DGKA: variants seen among roughly 807,000 people sequenced by gnomAD.
The protein encoded by DGKA is 80 kDa diacylglycerol kinase.
DGKA carries 35 observed loss-of-function variants against 105.0 expected under a neutral mutation model. That is an observed-to-expected ratio of 0.33 (90% confidence interval 0.25 to 0.44). DGKA has a LOEUF of 0.44. DGKA is among the 20% of genes least tolerant of loss of function. The pLI is 1.00. For missense variants in DGKA, 665 were observed against 915.0 expected (o/e 0.73, Z 3.53); for synonymous variants, 296 against 332.0 (o/e 0.89, Z 1.18).
At chr12:55,933,219 C>T (rs971311490) in intron 1 of DGKA, among the ~76,000 whole-genome samples, 1 of 152,202 alleles carries the variant, frequency 6.6e-6, no homozygotes, top group South Asian at 2.1e-4. Flanking sequence ...GAGTAATTCT[C>T]TCTCTATGCC....
At chr12:55,950,611 T>A (rs2136403299) in intron 17 of DGKA, among the ~76,000 whole-genome samples, 1 of 152,200 alleles carries the variant, frequency 6.6e-6, no homozygotes, top group East Asian at 1.9e-4. Flanking sequence ...CTGGCCAATT[T>A]TTATATTTGT....
chr12:55,951,716 A>C lies in DGKA; in HGVS notation c.1520A>C (p.Gln507Pro). ...CGATGGTCTGTGGAGGTGATACCTC[A>C]ACAAACTGAAGAAAAAAGTGACCCA... ...MDRWSVEVIP[Q>P]QTEEKSDPVP... Residue 507 changes from glutamine to proline, a missense_variant, in exon 18 of 24, where the codon CAA (glutamine) becomes CCA (proline). Physicochemically the swap from Gln to Pro is moderately conservative, Grantham distance 76. This residue lies in a region of DGKA where 504 missense variants were observed against 681.2 expected (regional missense o/e 0.74). Transcript: ENST00000331886. 6.2e-7 allele frequency: 1 copy of C among 1,614,042 alleles called. No homozygotes were observed. Among genetic ancestry groups the C allele is most frequent in the Non-Finnish European group, 8.5e-7 (1 of 1,179,978 alleles).
At chr12:55,945,019 C>T (rs1030638306) in intron 17 of DGKA, among the ~76,000 whole-genome samples, 5 of 152,114 alleles carry the variant, frequency 3.3e-5, no homozygotes, top group African/African-American at 9.7e-5. Flanking sequence ...AGGCTGGTCT[C>T]GAGCTCCTGA....
rs1432074286 is a variant in DGKA at position 55,940,901 on chromosome 12, C to A, written c.1022C>A (p.Ser341Tyr). Reference protein sequence around the residue: ...PSSIYPSVLASGPDRKNSKTS... With the variant: ...PSSIYPSVLAYGPDRKNSKTS... Reference sequence around the variant, plus strand: ...TCTACTTTCTTCCCCTCCCAGGCCTCTGGACCGGATCGTAAAAATAGCAAA... The same window carrying A: ...TCTACTTTCTTCCCCTCCCAGGCCTATGGACCGGATCGTAAAAATAGCAAA... The change falls in exon 13 of 24, where the codon TCT (serine) becomes TAT (tyrosine). Residue 341 changes from serine to tyrosine, a missense_variant. Ser to Tyr is a moderately radical substitution (Grantham distance 144, BLOSUM62 -2). Coordinates refer to ENST00000331886, the MANE Select transcript of DGKA (RefSeq NM_001345.5). The surrounding 1 kb of genome is among the most constrained non-coding windows in gnomAD (Gnocchi z 4.3). 21 of 1,614,148 alleles carry A rather than the reference C, an allele frequency of 1.3e-5. No individual in the cohort carries two copies. The highest frequency in any genetic ancestry group is 1.8e-5 in the Non-Finnish European group (21 of 1,180,024).
chr12:55,951,555 G>T, intron 17 of DGKA, 68 bp from the exon 18 acceptor site: 2 of 1,526,958 alleles, frequency 1.3e-6, no homozygotes, highest in Middle Eastern at 3.5e-4. Context: ...AATTTGTGGA[G>T]CTGGGAGCTG....
Position 55,941,328 on chromosome 12 carries a change from G to A in DGKA, c.1175+3G>A, listed in dbSNP as rs376046664. 8.1e-6 allele frequency: 13 copies of A among 1,613,006 alleles called. No individual in the cohort carries two copies. Among genetic ancestry groups the A allele is most frequent in the African/African-American group, 1.3e-5 (1 of 74,904 alleles). On this transcript the variant is annotated splice_donor_region_variant and intron_variant, in intron 14 of 23. Coordinates refer to ENST00000331886, the MANE Select transcript of DGKA (RefSeq NM_001345.5). The stretch of plus-strand genomic sequence containing the variant: ...AGTGGCGGGAAGCAGGGGCAAAGGT[G>A]AGGAGAAATATATTGGGTCTTCTAA...
At chr12:55,937,133 C>T in intron 3 of DGKA, 43 bp downstream of exon 3, 3 of 1,604,176 alleles carry the variant, frequency 1.9e-6, no homozygotes, top group Non-Finnish European at 2.6e-6. Flanking sequence ...CAACTCTTCC[C>T]ATCTTTGTTT....
intron 13 of DGKA, 114 bp from the exon 14 acceptor site, chr12:55,941,138 G>A: frequency 7.3e-7 from 1 of 1,369,918 alleles, no homozygotes; most frequent in Non-Finnish European, 1.0e-6. Context: ...GGAAACAGGA[G>A]GGAGGGGGGA....
intron 6 of DGKA, 92 bp from the exon 7 acceptor site, chr12:55,938,823 G>C (rs1885305141): frequency 6.3e-7 from 1 of 1,579,418 alleles, no homozygotes; most frequent in Non-Finnish European, 8.7e-7. Context: ...TGTGAATCTG[G>C]GGTGGAACCC....
chr12:55,936,901 G>A (rs1884865347), intron 2 of DGKA, 116 bp from the exon 3 acceptor site: 1 of 973,764 alleles, frequency 1.0e-6, no homozygotes. Flanking sequence ...CTGTATTTCT[G>A]TGTTTCTTCT....
Position 55,932,491 on chromosome 12 carries a change from C to A in DGKA, c.-82+1147C>A, listed in dbSNP as rs1184308758. ...CCAGGTCCCCAACTTCCCACCCCAT[C>A]CTCTCCCCACCTGTCACTGGGAAGT... On this transcript the variant is annotated intron_variant, in intron 1 of 23. Transcript: ENST00000331886. The surrounding 1 kb of genome is among the most constrained non-coding windows in gnomAD (Gnocchi z 4.3). 2.9e-6 allele frequency: 2 copies of A among 701,238 alleles called. No individual in the cohort carries two copies. The highest frequency in any genetic ancestry group is 5.2e-6 in the Non-Finnish European group (2 of 384,180). The allele number at this position is 701,238 out of a possible 1,614,324, so 43.4% of individuals were successfully genotyped here.
chr12:55,935,973 G>A (rs1377150305), intron 1 of DGKA: 2 of 988,970 alleles, frequency 2.0e-6, no homozygotes, highest in Non-Finnish European at 2.4e-6. Flanking sequence ...GAGTCACTCA[G>A]AGGGCCGGAA....
rs539734280 is a variant in DGKA, at chr12:55,937,712, G to C, written c.274+169G>C. ...AAAGGGAGGAAAGGTAAAGGGGAAA[G>C]GTAAGTCGAGGGCAGTGGCTCACAC... On this transcript the variant is annotated intron_variant, in intron 4 of 23. Transcript: ENST00000331886. Among the ~76,000 whole-genome samples, 4 of 152,174 alleles carry C rather than the reference G, an allele frequency of 2.6e-5. No homozygotes were observed. The South Asian group carries it at 8.3e-4, about 32-fold the overall frequency.
At position 55,932,687 on chromosome 12, in the gene DGKA, CCCTCT is replaced by C; in HGVS notation, c.-82+1344_-82+1348del. ...CTTCCTCCTATACTACGCAATGACA[CCCTCT>C]ACACACACACACACACGCACACACA... On this transcript the variant is annotated intron_variant, in intron 1 of 23. Transcript: ENST00000331886. This position sits in a 1 kb window ranked among gnomAD's most constrained non-coding sequence, Gnocchi z 4.3. 1 of 668,184 alleles carries C rather than the reference CCCTCT, an allele frequency of 1.5e-6. No homozygotes were observed. Among genetic ancestry groups the C allele is most frequent in the Non-Finnish European group, 2.7e-6 (1 of 369,292 alleles). The allele number at this position is 668,184 out of a possible 1,614,324, so 41.4% of individuals were successfully genotyped here.
At chr12:55,944,373 C>T (rs1341956932) in intron 17 of DGKA, among the ~76,000 whole-genome samples, 2 of 152,160 alleles carry the variant, frequency 1.3e-5, no homozygotes, top group African/African-American at 2.4e-5. Context: ...GAGGCTGAGG[C>T]GGGAGGATTG....
chr12:55,939,664 A>G, intron 9 of DGKA, 135 bp downstream of exon 9: 1 of 774,030 alleles, frequency 1.3e-6, no homozygotes, highest in Non-Finnish European at 2.1e-6. Flanking sequence ...ACCTTGGGAA[A>G]GCCACATCAC....
At chr12:55,931,581 G>C (rs1339484729) in intron 1 of DGKA, 1 of 152,688 alleles carries the variant, frequency 6.5e-6, no homozygotes, top group Non-Finnish European at 1.5e-5. Context: ...CTCTGGGCTT[G>C]CCCCCGTGGG....
intron 2 of DGKA, 90 bp downstream of exon 2, chr12:55,936,657 C>A (rs780718453): frequency 1.1e-5 from 17 of 1,568,808 alleles, no homozygotes; most frequent in African/African-American, 1.4e-5. Context: ...CCCCAGCTTC[C>A]TCAGTGGCTT....
upstream of DGKA, chr12:55,927,667 A>G: frequency 6.5e-7 from 1 of 1,533,666 alleles, no homozygotes; most frequent in Non-Finnish European, 8.8e-7. Context: ...CAACCCACTC[A>G]ACCACCAGAG....
Sources: allele counts gnomAD v4.1 joint callset (sites outside exome capture counted in the v4.1 genomes callset), GRCh38; gene constraint gnomAD v4.1.1; regional missense constraint gnomAD v4.1.1; non-coding constraint Gnocchi (gnomAD v3.1); transcripts MANE v1.5; gene names NCBI Gene and HGNC (gene_info 2026-07-23, HGNC 2026-07-21).